Variants in GLG1 observed in about 807,000 individuals in gnomAD.
The protein encoded by GLG1 is golgi glycoprotein 1, also known as Golgi apparatus protein 1.
In GLG1, 38 loss-of-function variants were observed where a neutral mutation model predicts 160.5. The observed-to-expected ratio is 0.24, with a 90% CI of 0.18 to 0.31. GLG1 has a LOEUF of 0.31. Among genes scored for constraint, GLG1 ranks in the 10% least tolerant of loss-of-function variants. The probability of loss-of-function intolerance (pLI) is 1.00; values close to 1 mark genes in which losing one functional copy is unlikely to be tolerated. For synonymous variants in GLG1, 644 were observed against 543.4 expected (o/e 1.19, Z -2.57); for missense variants, 1,373 against 1,505.2 (o/e 0.91, Z 1.45).
In GLG1 at chr16:74,489,770, C is replaced by T. The variant is rs113295084; in HGVS notation, c.1449+1231G>A. On this transcript the variant is annotated intron_variant, in intron 8 of 25. Coordinates refer to ENST00000422840, the MANE Select transcript of GLG1 (RefSeq NM_001145667.2). Reference sequence around the variant, plus strand: ...TGGGATGCATAGACACGCATGCGTGCGCACACACACACACAGACACACGTG... The same window carrying T: ...TGGGATGCATAGACACGCATGCGTGTGCACACACACACACAGACACACGTG... Among the ~76,000 whole-genome samples the T allele has an allele frequency of 2.0e-3, 305 of 152,274 alleles. 4 individuals are homozygous for T. Among genetic ancestry groups the T allele is most frequent in the African/African-American group, 6.5e-3 (272 of 41,550 alleles).
At chr16:74,497,517 A>ACGCTCC (rs1052970827) in intron 4 of GLG1, among the ~76,000 whole-genome samples, 1 of 135,872 alleles carries the variant, frequency 7.4e-6, no homozygotes, top group African/African-American at 2.8e-5. Context: ...GGCTCACTGC[A>ACGCTCC]CGCTCCCACT....
intron 1 of GLG1, among the ~76,000 whole-genome samples, chr16:74,542,735 G>GAGGGAGGGAGGAAGGA (rs2017916789): frequency 1.0e-3 from 29 of 28,658 alleles, no homozygotes; most frequent in South Asian, 3.4e-3. Context: ...GGAAGGAAGG[G>GAGGGAGGGAGGAAGGA]AGGAAGGAAG....
At chr16:74,562,929 T>C (rs1238192669) in intron 1 of GLG1, among the ~76,000 whole-genome samples, 3 of 152,156 alleles carry the variant, frequency 2.0e-5, no homozygotes, top group East Asian at 3.9e-4. Context: ...ACTGGGTCAA[T>C]TGATATCACA....
chr16:74,574,164 GTGAAGA>G (rs939443464), intron 1 of GLG1, among the ~76,000 whole-genome samples: 1 of 152,190 alleles, frequency 6.6e-6, no homozygotes, highest in African/African-American at 2.4e-5. Flanking sequence ...TCAGCCTTTG[GTGAAGA>G]TGAAGTGGAA....
chr16:74,516,617 T>C (rs925185674), intron 2 of GLG1, among the ~76,000 whole-genome samples: 37 of 152,230 alleles, frequency 2.4e-4, no homozygotes, highest in African/African-American at 8.4e-4. Flanking sequence ...AGATCTAAAA[T>C]TGACACCCTA....
At position 74,456,711 on chromosome 16, in the gene GLG1, A is replaced by T. The variant is rs752818912; in HGVS notation, c.3310T>A (p.Leu1104Ile). 2 of 1,611,816 alleles carry T rather than the reference A, an allele frequency of 1.2e-6. No homozygotes were observed. Among genetic ancestry groups the T allele is most frequent in the East Asian group, 2.2e-5 (1 of 44,886 alleles). ...AGGCGCTTTTTGCACTCGGGCTGTAACCTCACCCGCTTATCCTCCAGTGCT... is the reference window on the plus strand; with the variant it reads ...AGGCGCTTTTTGCACTCGGGCTGTATCCTCACCCGCTTATCCTCCAGTGCT... ...MEALEDKRVR[L>I]QPECKKRLND... Residue 1104 changes from leucine (L) to isoleucine (I), a missense_variant, in exon 25 of 26, where the codon TTA becomes ATA. By Grantham distance (5) the Leu-to-Ile change is conservative. Transcript: ENST00000422840.
intron 1 of GLG1, 49 bp downstream of exon 1, chr16:74,606,608 T>TCGGGCCCGCACCAGGC (rs1304411273): frequency 2.0e-6 from 3 of 1,479,922 alleles, no homozygotes; most frequent in East Asian, 2.3e-5. Flanking sequence ...GGCAACACCC[T>TCGGGCCCGCACCAGGC]CGGGCCCGCA....
At chr16:74,479,320 C>T (rs941145471) in intron 11 of GLG1, among the ~76,000 whole-genome samples, 2 of 150,470 alleles carry the variant, frequency 1.3e-5, no homozygotes, top group African/African-American at 4.9e-5. Flanking sequence ...AAAACCAGCA[C>T]CACAGACTCC....
intron 1 of GLG1, among the ~76,000 whole-genome samples, chr16:74,543,566 T>C (rs1259436058): frequency 6.6e-6 from 1 of 152,150 alleles, no homozygotes. Flanking sequence ...AAAAAGTCCC[T>C]ACATTTCTTC....
chr16:74,472,788 C>G, intron 13 of GLG1: 1 of 367,752 alleles, frequency 2.7e-6, no homozygotes, highest in Non-Finnish European at 5.3e-6. Flanking sequence ...AGTTTATAAG[C>G]TCATAAGCCA....
intron 9 of GLG1, among the ~76,000 whole-genome samples, chr16:74,484,495 G>T (rs1597252540): frequency 6.6e-6 from 1 of 151,932 alleles, no homozygotes; most frequent in Non-Finnish European, 1.5e-5. Context: ...GGGCGTGGTG[G>T]CTCACACCTG....
At chr16:74,585,548 T>G (rs1223518884) in intron 1 of GLG1, among the ~76,000 whole-genome samples, 1 of 150,738 alleles carries the variant, frequency 6.6e-6, no homozygotes, top group Non-Finnish European at 1.5e-5. Context: ...GTACTAAAAC[T>G]ACAAAAAAAA....
Position 74,489,091 on chromosome 16 carries a change from G to C in GLG1, c.1449+1910C>G, listed in dbSNP as rs115872706. 7.3e-3 allele frequency among the ~76,000 whole-genome samples: 1,105 copies of C among 152,160 alleles called. 21 individuals are homozygous for C. The highest frequency in any genetic ancestry group is 0.025 in the African/African-American group (1,041 of 41,494). On this transcript the variant is annotated intron_variant, in intron 8 of 25. Coordinates refer to ENST00000422840, the MANE Select transcript of GLG1 (RefSeq NM_001145667.2). The stretch of plus-strand genomic sequence containing the variant: ...ACAAGCTACATTTTAAAAAGCCCTG[G>C]GTGTGAATTAGGTGCCTCGAAATAA...
At chr16:74,519,128 A>G (rs1256524255) in intron 2 of GLG1, among the ~76,000 whole-genome samples, 3 of 152,250 alleles carry the variant, frequency 2.0e-5, no homozygotes, top group Non-Finnish European at 4.4e-5. Context: ...AATGTGGCAC[A>G]TATACACTGT....
intron 1 of GLG1, among the ~76,000 whole-genome samples, chr16:74,568,488 G>A (rs983714298): frequency 4.0e-5 from 6 of 150,860 alleles, no homozygotes; most frequent in African/African-American, 1.5e-4. Context: ...CATGATCTCG[G>A]CTCACTGGAA....
intron 1 of GLG1, among the ~76,000 whole-genome samples, chr16:74,590,011 G>GTTGT (rs1420125782): frequency 6.6e-5 from 10 of 151,542 alleles, no homozygotes; most frequent in African/African-American, 2.2e-4. Context: ...TGTTGTTGTT[G>GTTGT]TTTTTTTGAG....
At chr16:74,522,294 A>T (rs1480756501) in intron 2 of GLG1, among the ~76,000 whole-genome samples, 1 of 152,254 alleles carries the variant, frequency 6.6e-6, no homozygotes, top group African/African-American at 2.4e-5. Flanking sequence ...ACCTAGAAGT[A>T]AAATGGCTGT....
intron 1 of GLG1, among the ~76,000 whole-genome samples, chr16:74,533,766 G>A (rs1163879145): frequency 1.3e-5 from 2 of 152,184 alleles, no homozygotes; most frequent in Non-Finnish European, 2.9e-5. Flanking sequence ...GGGCAACAGA[G>A]CGAGATTCCA....
intron 1 of GLG1, among the ~76,000 whole-genome samples, chr16:74,554,016 C>T (rs563539849): frequency 1.3e-5 from 2 of 152,232 alleles, no homozygotes; most frequent in South Asian, 2.1e-4. Flanking sequence ...TCAACCAAAG[C>T]GTAAGCTTTC....
Sources: allele counts gnomAD v4.1 joint callset (sites outside exome capture counted in the v4.1 genomes callset), GRCh38; gene constraint gnomAD v4.1.1; transcripts MANE v1.5; gene names NCBI Gene and HGNC (gene_info 2026-07-23, HGNC 2026-07-21).